Variants in PCDH15 observed in about 807,000 individuals in gnomAD.
The protein encoded by PCDH15 is protocadherin-15.
A neutral mutation model predicts 178.5 loss-of-function variants in PCDH15; 129 were observed. The ratio of observed to expected loss-of-function variants is 0.72; its 90% CI spans 0.63 to 0.84. The LOEUF (loss-of-function observed/expected upper bound fraction) is 0.84. Among genes scored for constraint, PCDH15 ranks in the 40% least tolerant of loss-of-function variants. The pLI is 0.00. For missense variants in PCDH15, 2,230 were observed against 2,099.9 expected (o/e 1.06, Z -1.21); for synonymous variants, 800 against 732.0 (o/e 1.09, Z -1.50).
intron 14 of PCDH15, among the ~76,000 whole-genome samples, chr10:54,134,483 G>A (rs2042718168): frequency 1.3e-5 from 2 of 152,070 alleles, no homozygotes; most frequent in African/African-American, 4.8e-5. Flanking sequence ...GCTGGGCACG[G>A]TGGCTCACAC....
chr10:54,810,426 A>C (rs1353024923), intron 3 of PCDH15, among the ~76,000 whole-genome samples: 1 of 152,130 alleles, frequency 6.6e-6, no homozygotes, highest in Non-Finnish European at 1.5e-5. Flanking sequence ...TGCCTCTTGC[A>C]ATATTATGTC....
intron 3 of PCDH15, among the ~76,000 whole-genome samples, chr10:54,407,863 CTGGCCAATA>C (rs1482516219): frequency 6.6e-6 from 1 of 151,904 alleles, no homozygotes; most frequent in Non-Finnish European, 1.5e-5. Flanking sequence ...CCAGACCAGC[CTGGCCAATA>C]TGGCAATACC....
intron 1 of PCDH15, among the ~76,000 whole-genome samples, chr10:55,224,131 G>A (rs992079203): frequency 2.6e-5 from 4 of 152,072 alleles, no homozygotes; most frequent in African/African-American, 9.7e-5. Context: ...AGCCCAGGTT[G>A]TGGAGCTTGC....
intron 12 of PCDH15, 87 bp from the exon 13 acceptor site, chr10:54,183,680 T>C: frequency 6.7e-7 from 1 of 1,488,400 alleles, no homozygotes; most frequent in Non-Finnish European, 9.3e-7. Context: ...ACAAGTTTCT[T>C]ACAGGTAATC....
intron 2 of PCDH15, among the ~76,000 whole-genome samples, chr10:55,371,633 T>A (rs1221539952): frequency 2.6e-5 from 4 of 152,048 alleles, no homozygotes; most frequent in Admixed American, 2.0e-4. Context: ...TTCTCTCCCA[T>A]GGTAAAGACA....
chr10:55,402,198 C>T (rs1308843697), intron 2 of PCDH15, among the ~76,000 whole-genome samples: 1 of 151,506 alleles, frequency 6.6e-6, no homozygotes, highest in African/African-American at 2.4e-5. Context: ...TGGCATGAAC[C>T]ATTGGGAAGA....
chr10:54,425,542 T>G (rs879884085), intron 3 of PCDH15, among the ~76,000 whole-genome samples: 13 of 152,200 alleles, frequency 8.5e-5, no homozygotes, highest in Non-Finnish European at 1.8e-4. Context: ...TAACATAAAA[T>G]GGACTAAGAC....
At chr10:53,920,986 T>C (rs938297828) in intron 25 of PCDH15, among the ~76,000 whole-genome samples, 4 of 152,226 alleles carry the variant, frequency 2.6e-5, no homozygotes, top group African/African-American at 9.6e-5. Context: ...AATTCATTTT[T>C]TGCACAAATT....
chr10:55,468,572 C>T (rs948979209), intron 2 of PCDH15: 1 of 151,970 alleles, frequency 6.6e-6, no homozygotes, highest in African/African-American at 2.4e-5. Context: ...TTTTATCTAC[C>T]ATAATGTAAT....
chr10:55,157,720 T>A (rs1487806959), intron 2 of PCDH15, among the ~76,000 whole-genome samples: 1 of 150,502 alleles, frequency 6.6e-6, no homozygotes, highest in Non-Finnish European at 1.5e-5. Context: ...AAACCAAACA[T>A]CACATGTTCT....
intron 8 of PCDH15, among the ~76,000 whole-genome samples, chr10:54,269,660 T>C (rs181353098): frequency 1.3e-5 from 2 of 152,146 alleles, no homozygotes; most frequent in Admixed American, 6.5e-5. Context: ...TAAAATTTGA[T>C]GATTGTGATT....
chr10:53,914,964 A>G (rs2083421815), intron 25 of PCDH15, among the ~76,000 whole-genome samples: 1 of 152,150 alleles, frequency 6.6e-6, no homozygotes, highest in African/African-American at 2.4e-5. Flanking sequence ...TCCAGTTTGT[A>G]TTCTGGATAA....
Position 53,822,801 on chromosome 10 carries a change from C to T in PCDH15, c.4368-2571G>A, listed in dbSNP as rs745335831. 8 of 1,613,904 alleles carry T rather than the reference C, an allele frequency of 5.0e-6. No individual in the cohort carries two copies. The African/African-American group carries it at 1.1e-4, about 22-fold the overall frequency. On this transcript the variant is annotated intron_variant, in intron 32 of 37. Transcript: ENST00000644397. Reference sequence around the variant, plus strand: ...TGTTCCTTCTATCATCAGTGTTTCACCTTGCCTTATTTCCTCTTTCTCTGT... The same window carrying T: ...TGTTCCTTCTATCATCAGTGTTTCATCTTGCCTTATTTCCTCTTTCTCTGT...
chr10:54,504,380 T>C (rs2080988423), intron 3 of PCDH15, among the ~76,000 whole-genome samples: 2 of 152,120 alleles, frequency 1.3e-5, no homozygotes, highest in Admixed American at 1.3e-4. Flanking sequence ...GTTCAGGTAC[T>C]GATCACTTCT....
rs141849685 is a variant in PCDH15, at chr10:54,562,606, C to G, written c.92-34729G>C. ...ATGAAGACATTAGTTTCACAACATA[C>G]TTATATATAATACCTAGATATACAT... is the stretch of plus-strand genomic sequence containing the variant. On this transcript the variant is annotated intron_variant, in intron 2 of 37. Coordinates refer to ENST00000644397, the MANE Select transcript of PCDH15 (RefSeq NM_001384140.1). Among the ~76,000 whole-genome samples, 1,170 of 152,096 alleles carry G rather than the reference C, an allele frequency of 7.7e-3. 13 individuals are homozygous for G. Among genetic ancestry groups the G allele is most frequent in the African/African-American group, 0.024 (1,015 of 41,498 alleles).
chr10:54,948,444 G>T (rs1257128230), intron 2 of PCDH15, among the ~76,000 whole-genome samples: 1 of 151,920 alleles, frequency 6.6e-6, no homozygotes, highest in Non-Finnish European at 1.5e-5. Context: ...ACTTGACAGA[G>T]CTAAGGAATA....
intron 2 of PCDH15, among the ~76,000 whole-genome samples, chr10:55,419,799 T>C (rs1838575723): frequency 6.6e-6 from 1 of 151,642 alleles, no homozygotes; most frequent in African/African-American, 2.4e-5. Context: ...CATGATCACA[T>C]TGGTCTGCAA....
At chr10:53,821,318 T>TGAAATACCTTATGTCTG (rs2076259796) in intron 32 of PCDH15, 2 of 987,272 alleles carry the variant, frequency 2.0e-6, no homozygotes, top group African/African-American at 3.5e-5. Flanking sequence ...AGATTTATTT[T>TGAAATACCTTATGTCTG]GAAATACCTT....
chr10:54,020,122 T>G, intron 20 of PCDH15, 70 bp downstream of exon 20: 1 of 1,291,748 alleles, frequency 7.7e-7, no homozygotes, highest in Non-Finnish European at 1.1e-6. Flanking sequence ...ATTATAGGTA[T>G]AATAGAAGGA....
Sources: gnomAD v4.1 joint callset for allele counts (sites outside exome capture counted in the v4.1 genomes callset) on GRCh38, gnomAD v4.1.1 for gene constraint, MANE v1.5 for transcripts, NCBI Gene and HGNC (gene_info 2026-07-23, HGNC 2026-07-21) for gene names.